Variants in NDUFA7 observed in about 807,000 individuals in gnomAD.
NDUFA7 encodes the protein NADH dehydrogenase [ubiquinone] 1 alpha subcomplex subunit 7.
Under a neutral mutation model 14.2 loss-of-function variants are expected in NDUFA7, and 18 were observed. The observed-to-expected ratio is 1.27, with a 90% confidence interval of 0.88 to 1.88. The LOEUF (loss-of-function observed/expected upper bound fraction) is 1.88, where lower values mean the gene tolerates loss of function less well. NDUFA7 is among the 40% of genes most tolerant of loss of function. NDUFA7 has a pLI of 0.00. For synonymous variants in NDUFA7, 75 were observed against 62.1 expected, an observed-to-expected ratio of 1.21 and a Z score of -0.98; for missense variants, 172 against 147.3, an observed-to-expected ratio of 1.17 and a Z score of -0.87.
chr19:8,316,148 C>CAAAA (rs60161246), intron 3 of NDUFA7, among the ~76,000 whole-genome samples: 16 of 80,608 alleles, frequency 2.0e-4, no homozygotes, highest in African/African-American at 5.5e-4. Flanking sequence ...GACTCCGTCT[C>CAAAA]AAAAAAAAAA....
intron 3 of NDUFA7, among the ~76,000 whole-genome samples, chr19:8,312,305 G>A (rs919634153): frequency 1.3e-5 from 2 of 152,154 alleles, no homozygotes; most frequent in Admixed American, 6.5e-5. Context: ...GCGCCCCAGG[G>A]GTGGAGGCAC....
At position 8,316,553 on chromosome 19, in the gene NDUFA7, G is replaced by A; in HGVS notation, c.194C>T (p.Pro65Leu). 6.2e-7 allele frequency: 1 copy of A among 1,614,122 alleles called. No individual in the cohort carries two copies. The highest frequency in any genetic ancestry group is 1.1e-5 in the South Asian group (1 of 91,082). ...CTRDGRRESV[P>L]PSIIMSSQKA... ...CTGCGACGACATGATGATGGAAGGG[G>A]GCACAGATTCCCGGCGGCCATCGCG... Residue 65 changes from proline to leucine, a missense_variant, in exon 3 of 4, where the codon CCC becomes CTC. Transcript: ENST00000301457.
chr19:8,314,815 A>G (rs1159789399), intron 3 of NDUFA7, among the ~76,000 whole-genome samples: 2 of 152,106 alleles, frequency 1.3e-5, no homozygotes, highest in Non-Finnish European at 1.5e-5. Flanking sequence ...AGGCAGGCTG[A>G]GGCAGGAGAA....
At chr19:8,314,719 C>G (rs1019142341) in intron 3 of NDUFA7, among the ~76,000 whole-genome samples, 1 of 152,222 alleles carries the variant, frequency 6.6e-6, no homozygotes, top group Non-Finnish European at 1.5e-5. Flanking sequence ...CAAGACCATC[C>G]TGGCTAACAC....
chr19:8,314,573 C>G (rs1216401312), intron 3 of NDUFA7, among the ~76,000 whole-genome samples: 2 of 151,968 alleles, frequency 1.3e-5, no homozygotes, highest in Non-Finnish European at 1.5e-5. Flanking sequence ...TGAGAACGGC[C>G]TGGGCAACAA....
At chr19:8,313,467 T>A (rs1334870966) in intron 3 of NDUFA7, among the ~76,000 whole-genome samples, 1 of 151,914 alleles carries the variant, frequency 6.6e-6, no homozygotes, top group Non-Finnish European at 1.5e-5. Context: ...CCTGACCTGG[T>A]GATCCGCCCT....
At chr19:8,318,415 T>C (rs2145398043) in intron 2 of NDUFA7, among the ~76,000 whole-genome samples, 1 of 151,972 alleles carries the variant, frequency 6.6e-6, no homozygotes, top group African/African-American at 2.4e-5. Flanking sequence ...CCCAAAGTGC[T>C]GGGATTACAG....
intron 3 of NDUFA7, among the ~76,000 whole-genome samples, chr19:8,314,863 C>T (rs751430782): frequency 4.0e-5 from 6 of 151,514 alleles, no homozygotes; most frequent in South Asian, 2.1e-4. Context: ...TGCAGTGAGC[C>T]GAGATCACAC....
At chr19:8,311,965 C>T (rs2036113252) in intron 3 of NDUFA7, among the ~76,000 whole-genome samples, 1 of 152,208 alleles carries the variant, frequency 6.6e-6, no homozygotes, top group Non-Finnish European at 1.5e-5. Flanking sequence ...AAGGGCCAAG[C>T]GATCAGGTGA....
intron 2 of NDUFA7, chr19:8,319,250 C>T (rs1457010965): frequency 6.6e-6 from 1 of 151,898 alleles, no homozygotes; most frequent in African/African-American, 2.4e-5. Context: ...GCAAATGTAC[C>T]CCAGAACTTA....
rs370318821 is a variant in NDUFA7, at chr19:8,320,646, C to A, written c.101+211G>T. Among the ~76,000 whole-genome samples, 27 of 152,274 alleles carry A rather than the reference C, an allele frequency of 1.8e-4. 1 individual carries two copies. In the East Asian group the frequency reaches 2.9e-3, roughly 16 times the overall value. On this transcript the variant is annotated intron_variant, in intron 2 of 3. Transcript: ENST00000301457. ...AGCACTGCAAATCTAGCCTGATTGC[C>A]AGTCAGAATGCACGCCCGGCCTCGC...
In NDUFA7 at chr19:8,320,895, C is replaced by T; in HGVS notation, c.63G>A (p.Gln21=). ...LRNWASGHDL[Q]GKLQLRYQEI... The stretch of plus-strand genomic sequence containing the variant: ...CCTGGTAGCGTAGCTGCAGCTTCCC[C>T]TGCAGGTCATGCTGTGGGAAGAGGA... The change falls in exon 2 of 4, where the codon CAG becomes CAA. Residue 21 remains glutamine (Q), a synonymous_variant. Transcript: ENST00000301457. 1 of 1,613,828 alleles carries T rather than the reference C, an allele frequency of 6.2e-7. No individual in the cohort carries two copies. Among genetic ancestry groups the T allele is most frequent in the Non-Finnish European group, 8.5e-7 (1 of 1,180,018 alleles).
intron 3 of NDUFA7, among the ~76,000 whole-genome samples, chr19:8,314,866 G>A (rs553843532): frequency 1.3e-5 from 2 of 151,268 alleles, no homozygotes; most frequent in South Asian, 4.2e-4. Context: ...AGTGAGCCGA[G>A]ATCACACCAC....
intron 2 of NDUFA7, among the ~76,000 whole-genome samples, chr19:8,320,137 A>G (rs1970284655): frequency 6.6e-6 from 1 of 152,148 alleles, no homozygotes; most frequent in African/African-American, 2.4e-5. Context: ...CACAAGCGTG[A>G]GCCACCGCGC....
At chr19:8,320,364 G>A (rs2145400653) in intron 2 of NDUFA7, among the ~76,000 whole-genome samples, 1 of 152,090 alleles carries the variant, frequency 6.6e-6, no homozygotes. Flanking sequence ...CTAGAATGTG[G>A]CGTCCATGAA....
chr19:8,320,097 G>A (rs1599633858), intron 2 of NDUFA7, among the ~76,000 whole-genome samples: 1 of 152,110 alleles, frequency 6.6e-6, no homozygotes, highest in East Asian at 1.9e-4. Flanking sequence ...CTCGTGATCC[G>A]CCTGCCTCAG....
At chr19:8,321,022 G>T in intron 1 of NDUFA7, 116 bp from the exon 2 acceptor site, 1 of 1,201,518 alleles carries the variant, frequency 8.3e-7, no homozygotes, top group Non-Finnish European at 1.2e-6. Flanking sequence ...GGCAGGGGAT[G>T]AACACTCGGG....
chr19:8,315,378 G>C (rs146433885), intron 3 of NDUFA7, among the ~76,000 whole-genome samples: 2,400 of 152,232 alleles, frequency 0.016, 61 homozygotes, highest in African/African-American at 0.055. Flanking sequence ...GGAATGTCTC[G>C]GTGTAAAACC....
chr19:8,321,055 G>A, intron 1 of NDUFA7, 149 bp from the exon 2 acceptor site: 1 of 959,524 alleles, frequency 1.0e-6, no homozygotes, highest in Non-Finnish European at 1.6e-6. Context: ...GGTCCTGCAG[G>A]TGAAGAGCAA....
Sources: allele counts gnomAD v4.1 joint callset (sites outside exome capture counted in the v4.1 genomes callset), GRCh38; gene constraint gnomAD v4.1.1; transcripts MANE v1.5; gene names NCBI Gene and HGNC (gene_info 2026-07-23, HGNC 2026-07-21).